The following LPIN1 variants were observed in gnomAD, a reference collection of about 807,000 sequenced individuals.
The protein encoded by LPIN1 is lipin 1, also known as phosphatidate phosphatase LPIN1.
A neutral mutation model predicts 107.5 loss-of-function variants in LPIN1; 71 were observed. The ratio of observed to expected loss-of-function variants is 0.66; its 90% CI spans 0.55 to 0.80. The LOEUF is 0.80. Ranked by LOEUF, LPIN1 falls within the 30% of genes least tolerant of loss-of-function variation. The pLI, the probability that LPIN1 is intolerant of heterozygous loss-of-function variation, is 0.00. For missense variants in LPIN1, 1,043 were observed against 1,160.6 expected (o/e 0.90, Z 1.47); for synonymous variants, 445 against 452.6 (o/e 0.98, Z 0.21).
intron 1 of LPIN1, among the ~76,000 whole-genome samples, chr2:11,704,764 C>T (rs538758655): frequency 9.9e-5 from 15 of 152,272 alleles, no homozygotes; most frequent in African/African-American, 2.4e-4. Context: ...TCTATCTCCC[C>T]GGGATCCCCT....
At chr2:11,816,837 T>C (rs1338764480) in intron 18 of LPIN1, 1 of 152,026 alleles carries the variant, frequency 6.6e-6, no homozygotes, top group Non-Finnish European at 1.5e-5. Flanking sequence ...CATAGTGGTT[T>C]GCTGCACCCA....
chr2:11,703,213 A>T (rs749870661), intron 1 of LPIN1, among the ~76,000 whole-genome samples: 1 of 152,166 alleles, frequency 6.6e-6, no homozygotes, highest in African/African-American at 2.4e-5. Context: ...CTGACCCACC[A>T]TGGAACTGGT....
At chr2:11,760,186 A>C (rs1326573998) in intron 1 of LPIN1, among the ~76,000 whole-genome samples, 20 of 139,838 alleles carry the variant, frequency 1.4e-4, no homozygotes, top group African/African-American at 5.5e-4. Flanking sequence ...GGCACTCCTC[A>C]CTTCCCAGAC....
chr2:11,765,741 C>G lies in LPIN1; in HGVS notation c.192+8C>G. On this transcript the variant is annotated splice_region_variant and intron_variant, in intron 2 of 20. Coordinates refer to ENST00000674199, the MANE Select transcript of LPIN1 (RefSeq NM_001349206.2). This position sits in a 1 kb window ranked among gnomAD's most constrained non-coding sequence, Gnocchi z 4.4. Reference sequence around the variant, plus strand: ...CGCTCCCGAGAGAAAGTGGTGAGCTCTCAGGGCACGGGGACCTGGCACCGG... The same window carrying G: ...CGCTCCCGAGAGAAAGTGGTGAGCTGTCAGGGCACGGGGACCTGGCACCGG... 4 of 1,608,774 alleles carry G rather than the reference C, an allele frequency of 2.5e-6. No individual in the cohort carries two copies. The highest frequency in any genetic ancestry group is 3.4e-6 in the Non-Finnish European group (4 of 1,175,950).
At chr2:11,720,688 G>C (rs1407244537), upstream of LPIN1, among the ~76,000 whole-genome samples, 1 of 152,016 alleles carries the variant, frequency 6.6e-6, no homozygotes, top group African/African-American at 2.4e-5. Context: ...CTTAGACCTG[G>C]GGAGAAATGG....
In LPIN1 at chr2:11,805,229, T is replaced by G. The variant is rs1678470116; in HGVS notation, c.2249+73T>G. On this transcript the variant is annotated intron_variant, in intron 17 of 20. Transcript: ENST00000674199. ...GCACCGCACTCTGCATATGGAATCT[T>G]TCCTGTCCCAGCACGGGGTGACTTG... The G allele has an allele frequency of 3.3e-6, 4 of 1,197,388 alleles. No individual in the cohort carries two copies. The East Asian group carries it at 9.4e-5, about 28-fold the overall frequency. 74.2% of individuals were successfully genotyped at this position (1,197,388 alleles called of 1,614,324 possible). A position where few individuals can be genotyped will look rare whatever the true frequency, so the allele number is the denominator to read the frequency against.
At chr2:11,711,256 T>C (rs1428081064) in intron 1 of LPIN1, among the ~76,000 whole-genome samples, 1 of 152,222 alleles carries the variant, frequency 6.6e-6, no homozygotes, top group Non-Finnish European at 1.5e-5. Context: ...TTTTGCAGCA[T>C]GCTGAAATAT....
chr2:11,819,539 A>G lies in LPIN1; in HGVS notation c.2458A>G (p.Lys820Glu), dbSNP rs776351541. Residue 820 changes from lysine to glutamate, a missense_variant, in exon 19 of 21, where the codon AAA becomes GAA. Coordinates refer to ENST00000674199, the MANE Select transcript of LPIN1 (RefSeq NM_001349206.2). ...TAAAGTCCAGTGTTTGACAGACATC[A>G]AAAACCTGTTTTTCCCCAACACAGA... ...KFKVQCLTDI[K>E]NLFFPNTEPF... The G allele has an allele frequency of 7.4e-6, 12 of 1,613,964 alleles. No homozygotes were observed. The African/African-American group carries it at 1.3e-4, about 18-fold the overall frequency.
intron 3 of LPIN1, among the ~76,000 whole-genome samples, chr2:11,769,219 C>T (rs1427372009): frequency 6.6e-6 from 1 of 152,218 alleles, no homozygotes; most frequent in East Asian, 1.9e-4. Context: ...TTGTCTACAT[C>T]TTTGCCAATA....
chr2:11,683,717 C>T (rs1661851840), intron 1 of LPIN1, among the ~76,000 whole-genome samples: 1 of 152,196 alleles, frequency 6.6e-6, no homozygotes, highest in South Asian at 2.1e-4. Flanking sequence ...CCCTGCCCTG[C>T]CCTGCACTGC....
At position 11,774,851 on chromosome 2, in the gene LPIN1, C is replaced by T. The variant is rs1461750725; in HGVS notation, c.722+1106C>T. On this transcript the variant is annotated intron_variant, in intron 5 of 20. Transcript: ENST00000674199. The surrounding 1 kb of genome is among the most constrained non-coding windows in gnomAD (Gnocchi z 4.4). ...AGCAGGCTGAGGCTGAGGCCTGTGA[C>T]AAAGTCCCTGCATGGAGGTCTTCCT... is the stretch of plus-strand genomic sequence containing the variant. Among the ~76,000 whole-genome samples, 2 of 151,758 alleles carry T rather than the reference C, an allele frequency of 1.3e-5. No homozygotes were observed. Among genetic ancestry groups the T allele is most frequent in the Non-Finnish European group, 2.9e-5 (2 of 67,994 alleles).
intron 5 of LPIN1, among the ~76,000 whole-genome samples, chr2:11,773,961 C>T (rs1281965031): frequency 6.6e-6 from 1 of 152,192 alleles, no homozygotes; most frequent in Non-Finnish European, 1.5e-5. Flanking sequence ...GCAGATATGG[C>T]TGTTAGCTCC....
rs946970183 is a variant in LPIN1 at position 11,786,767 on chromosome 2, C to T, written c.1550-307C>T. 6.6e-6 allele frequency among the ~76,000 whole-genome samples: 1 copy of T among 152,228 alleles called. No homozygotes were observed. The highest frequency in any genetic ancestry group is 1.5e-5 in the Non-Finnish European group (1 of 68,050). On this transcript the variant is annotated intron_variant, in intron 10 of 20. Transcript: ENST00000674199. The surrounding 1 kb of genome is among the most constrained non-coding windows in gnomAD (Gnocchi z 4.1). ...TTCTGCGCCATGCGTAGCCATGACT[C>T]TGCCTGTGCAGATGCACGTGTGTGC...
chr2:11,752,159 G>T (rs1464367931), intron 1 of LPIN1, among the ~76,000 whole-genome samples: 2 of 152,126 alleles, frequency 1.3e-5, no homozygotes, highest in African/African-American at 2.4e-5. Flanking sequence ...AGTTGCTAGG[G>T]TTTGCCAATA....
At chr2:11,809,911 C>T (rs755129838) in intron 17 of LPIN1, among the ~76,000 whole-genome samples, 5 of 152,276 alleles carry the variant, frequency 3.3e-5, no homozygotes, top group Admixed American at 6.5e-5. Flanking sequence ...GCCCTGGGAC[C>T]GAGTACCTTC....
chr2:11,765,546 A>G lies in LPIN1; in HGVS notation c.5A>G (p.Asn2Ser), dbSNP rs1234665809. ...TCTGTTTTCCAGGTGCAGACCATGAATTACGTGGGGCAGTTAGCCGGCCAG... is the reference window on the plus strand; with the variant it reads ...TCTGTTTTCCAGGTGCAGACCATGAGTTACGTGGGGCAGTTAGCCGGCCAG... M[N>S]YVGQLAGQVF... is the part of the protein sequence containing the mutation. The change falls in exon 2 of 21, where the codon AAT becomes AGT. Residue 2 changes from asparagine to serine, a missense_variant. Asn to Ser is a conservative substitution (Grantham distance 46, BLOSUM62 1). Coordinates refer to ENST00000674199, the MANE Select transcript of LPIN1 (RefSeq NM_001349206.2). This position sits in a 1 kb window ranked among gnomAD's most constrained non-coding sequence, Gnocchi z 4.4. 1 of 1,613,620 alleles carries G rather than the reference A, an allele frequency of 6.2e-7. No individual in the cohort carries two copies. Among genetic ancestry groups the G allele is most frequent in the Admixed American group, 1.7e-5 (1 of 59,994 alleles).
intron 6 of LPIN1, among the ~76,000 whole-genome samples, chr2:11,776,532 T>C (rs930660022): frequency 6.6e-6 from 1 of 152,138 alleles, no homozygotes; most frequent in Non-Finnish European, 1.5e-5. Flanking sequence ...ATGAGAATAA[T>C]GAAATATAGC....
chr2:11,773,985 T>G (rs1372342914), intron 5 of LPIN1, among the ~76,000 whole-genome samples: 1 of 152,168 alleles, frequency 6.6e-6, no homozygotes, highest in African/African-American at 2.4e-5. Flanking sequence ...GAGGTGAACT[T>G]GAAAGGAAAA....
intron 1 of LPIN1, among the ~76,000 whole-genome samples, chr2:11,728,425 C>T (rs1664873839): frequency 2.0e-5 from 3 of 152,130 alleles, no homozygotes; most frequent in Non-Finnish European, 1.5e-5. Flanking sequence ...TTCTGTCATC[C>T]AGGCTAGAAT....
Sources: allele counts gnomAD v4.1 joint callset (sites outside exome capture counted in the v4.1 genomes callset), GRCh38; gene constraint gnomAD v4.1.1; non-coding constraint Gnocchi (gnomAD v3.1); transcripts MANE v1.5; gene names NCBI Gene and HGNC (gene_info 2026-07-23, HGNC 2026-07-21).